SOCS5: variants seen among roughly 807,000 people sequenced by gnomAD.
SOCS5 encodes the protein CIS-6.
In SOCS5, 32 loss-of-function variants were observed where a neutral mutation model predicts 42.8. The observed-to-expected ratio is 0.75, with a 90% confidence interval of 0.56 to 1.01. The LOEUF is 1.01. SOCS5 is among the 50% of genes least tolerant of loss of function. The pLI, the probability that SOCS5 is intolerant of heterozygous loss-of-function variation, is 0.00. For missense variants in SOCS5, 627 were observed against 653.0 expected, an observed-to-expected ratio of 0.96 and a Z score of 0.43; for synonymous variants, 283 against 229.6, an observed-to-expected ratio of 1.23 and a Z score of -2.10.
At chr2:46,722,008 T>G (rs1345222306) in intron 1 of SOCS5, among the ~76,000 whole-genome samples, 3 of 152,052 alleles carry the variant, frequency 2.0e-5, no homozygotes, top group Non-Finnish European at 4.4e-5. Context: ...CATTTCTATT[T>G]CAAGGACCCA....
intron 1 of SOCS5, among the ~76,000 whole-genome samples, chr2:46,746,060 T>C (rs1041187588): frequency 6.6e-6 from 1 of 152,082 alleles, no homozygotes; most frequent in Admixed American, 6.5e-5. Flanking sequence ...GTTTTTTTTT[T>C]TTCTCTGATG....
chr2:46,700,371 A>G (rs1206437807), intron 1 of SOCS5, among the ~76,000 whole-genome samples: 1 of 152,222 alleles, frequency 6.6e-6, no homozygotes. Context: ...AAATTATCAT[A>G]ACTACACCTT....
intron 1 of SOCS5, among the ~76,000 whole-genome samples, chr2:46,701,910 G>C (rs2103684301): frequency 6.6e-6 from 1 of 151,004 alleles, no homozygotes; most frequent in Non-Finnish European, 1.5e-5. Flanking sequence ...CAGTTAGTGT[G>C]GCGGTTTTGT....
intron 1 of SOCS5, among the ~76,000 whole-genome samples, chr2:46,706,571 C>T (rs1672467814): frequency 6.6e-6 from 1 of 152,102 alleles, no homozygotes; most frequent in African/African-American, 2.4e-5. Flanking sequence ...CCTGACATTT[C>T]TCCCCTTGAC....
In SOCS5 at chr2:46,760,018, T is replaced by G. The variant is rs1458375232; in HGVS notation, c.1488T>G (p.Thr496=). Residue 496 remains threonine, a synonymous_variant, in exon 2 of 2, where the codon ACT becomes ACG. Transcript: ENST00000394861. ...GTCGCGCGGTAATCTGCAGGTGCACTACGTATGATGGAATTGATGGGCTCC... is the reference window on the plus strand; with the variant it reads ...GTCGCGCGGTAATCTGCAGGTGCACGACGTATGATGGAATTGATGGGCTCC... ...YICRAVICRC[T]TYDGIDGLPL... is the part of the protein sequence containing the mutation. 1 of 1,614,150 alleles carries G rather than the reference T, an allele frequency of 6.2e-7. No individual in the cohort carries two copies. The highest frequency in any genetic ancestry group is 8.5e-7 in the Non-Finnish European group (1 of 1,179,996).
chr2:46,710,124 T>C (rs1324758229), intron 1 of SOCS5, among the ~76,000 whole-genome samples: 2 of 152,108 alleles, frequency 1.3e-5, no homozygotes, highest in Admixed American at 1.3e-4. Context: ...TTTCAGTTTT[T>C]GGTGGTTGTT....
intron 1 of SOCS5, among the ~76,000 whole-genome samples, chr2:46,700,457 C>G (rs910114096): frequency 1.3e-5 from 2 of 152,162 alleles, no homozygotes; most frequent in African/African-American, 4.8e-5. Flanking sequence ...ATGGATTGTG[C>G]TATTATGTAC....
intron 1 of SOCS5, among the ~76,000 whole-genome samples, chr2:46,709,950 G>A (rs1286174207): frequency 6.6e-6 from 1 of 151,916 alleles, no homozygotes; most frequent in African/African-American, 2.4e-5. Flanking sequence ...AATTACCTGG[G>A]GCTCTTTTTT....
At chr2:46,751,150 G>T (rs79304063) in intron 1 of SOCS5, among the ~76,000 whole-genome samples, 2,244 of 152,082 alleles carry the variant, frequency 0.015, 67 homozygotes, top group African/African-American at 0.051. Flanking sequence ...ATTATTACTC[G>T]TAGGGTTGTT....
At chr2:46,746,646 C>CAA (rs555249093) in intron 1 of SOCS5, among the ~76,000 whole-genome samples, 2 of 129,982 alleles carry the variant, frequency 1.5e-5, no homozygotes, top group African/African-American at 2.8e-5. Flanking sequence ...GACTCCATCT[C>CAA]AAAAAAAAAA....
chr2:46,733,647 G>A (rs2103731013), intron 1 of SOCS5, among the ~76,000 whole-genome samples: 1 of 150,454 alleles, frequency 6.6e-6, no homozygotes, highest in African/African-American at 2.4e-5. Flanking sequence ...AAAATTCAAG[G>A]TTAAAAAAAG....
chr2:46,757,488 C>T (rs4953418), intron 1 of SOCS5, among the ~76,000 whole-genome samples: 101,383 of 152,002 alleles, frequency 0.67, 35,245 homozygotes, highest in African/African-American at 0.86. Context: ...TTTGTTTTTG[C>T]GAGTACTACA....
rs1229111517 is a variant in SOCS5, at chr2:46,699,553, T to C, written c.-13+104T>C. 6.6e-6 allele frequency: 1 copy of C among 151,430 alleles called. No homozygotes were observed. The highest frequency in any genetic ancestry group is 1.5e-5 in the Non-Finnish European group (1 of 67,766). The allele number at this position is 151,430 out of a possible 1,614,324, so 9.4% of individuals were successfully genotyped here. A position where few individuals can be genotyped will look rare whatever the true frequency, so the allele number is the denominator to read the frequency against. ...GCCCCAGTGCCCGCGCCCGGCGCATTCCGCCCCCGGCTGTCGCCCCCGCAC... is the reference window on the plus strand; with the variant it reads ...GCCCCAGTGCCCGCGCCCGGCGCATCCCGCCCCCGGCTGTCGCCCCCGCAC... On this transcript the variant is annotated intron_variant, in intron 1 of 1. Transcript: ENST00000394861. This position sits in a 1 kb window ranked among gnomAD's most constrained non-coding sequence, Gnocchi z 4.8.
At chr2:46,711,531 A>G (rs1003398342) in intron 1 of SOCS5, among the ~76,000 whole-genome samples, 1 of 152,228 alleles carries the variant, frequency 6.6e-6, no homozygotes, top group African/African-American at 2.4e-5. Flanking sequence ...TCTTTGACAC[A>G]TAAATGTGTT....
rs1673883080 is a variant in SOCS5 at position 46,762,027 on chromosome 2, T to C, written c.*1886T>C. ...GTAATAGATCAGTACCATTTATTGG[T>C]TTGGGGACCATCTTAATTAAAAATA... On this transcript the variant is annotated 3_prime_UTR_variant, in exon 2 of 2. Transcript: ENST00000394861. The C allele has an allele frequency of 1.2e-5, 2 of 167,028 alleles. No individual in the cohort carries two copies. Among genetic ancestry groups the C allele is most frequent in the South Asian group, 2.1e-4 (1 of 4,834 alleles). The allele number at this position is 167,028 out of a possible 1,614,324, so 10.3% of individuals were successfully genotyped here.
chr2:46,757,590 G>A (rs1248206058), intron 1 of SOCS5, among the ~76,000 whole-genome samples: 2 of 150,994 alleles, frequency 1.3e-5, no homozygotes, highest in East Asian at 3.9e-4. Context: ...TTCCTGGCCG[G>A]GCATGGTGGC....
chr2:46,743,711 C>T (rs1558409922), intron 1 of SOCS5, among the ~76,000 whole-genome samples: 1 of 152,152 alleles, frequency 6.6e-6, no homozygotes, highest in African/African-American at 2.4e-5. Context: ...CTCTGGCAAA[C>T]ATATGTATAC....
At chr2:46,730,648 A>G (rs17771017) in intron 1 of SOCS5, among the ~76,000 whole-genome samples, 7,337 of 152,230 alleles carry the variant, frequency 0.048, 259 homozygotes, top group Non-Finnish European at 0.08. Context: ...ATTTCATACA[A>G]TTTTTTCCCA....
chr2:46,716,923 C>A (rs1222326801), intron 1 of SOCS5, among the ~76,000 whole-genome samples: 1 of 152,120 alleles, frequency 6.6e-6, no homozygotes, highest in Non-Finnish European at 1.5e-5. Flanking sequence ...TTTTGTGTCT[C>A]CTTTAATTTC....
Sources: gnomAD v4.1 joint callset for allele counts (sites outside exome capture counted in the v4.1 genomes callset) on GRCh38, gnomAD v4.1.1 for gene constraint, Gnocchi (gnomAD v3.1) non-coding constraint, MANE v1.5 for transcripts, NCBI Gene and HGNC (gene_info 2026-07-23, HGNC 2026-07-21) for gene names.